The following SPATA17 variants were observed in gnomAD, a reference collection of about 807,000 sequenced individuals.
SPATA17 encodes spermatogenesis-associated protein 17.
A neutral mutation model predicts 62.2 loss-of-function variants in SPATA17; 53 were observed. The observed-to-expected ratio is 0.85, with a 90% CI of 0.68 to 1.07. SPATA17 has a LOEUF of 1.07. Among genes scored for constraint, SPATA17 ranks in the 50% least tolerant of loss-of-function variants. The pLI is 0.00. For synonymous variants in SPATA17, 146 were observed against 146.8 expected (o/e 0.99, Z 0.04); for missense variants, 466 against 425.5 (o/e 1.10, Z -0.84).
At chr1:217,828,140 A>T (rs756739836) in intron 9 of SPATA17, among the ~76,000 whole-genome samples, 1 of 152,168 alleles carries the variant, frequency 6.6e-6, no homozygotes, top group African/African-American at 2.4e-5. Context: ...ATGAATAAAA[A>T]CAATGTTAGA....
At chr1:217,787,522 T>C (rs1214622511) in intron 8 of SPATA17, among the ~76,000 whole-genome samples, 3 of 152,150 alleles carry the variant, frequency 2.0e-5, no homozygotes, top group African/African-American at 4.8e-5. Flanking sequence ...TTCTACTTCC[T>C]TTGATTTATG....
chr1:217,810,397 G>A (rs1360308866), intron 9 of SPATA17, among the ~76,000 whole-genome samples: 13 of 152,064 alleles, frequency 8.5e-5, no homozygotes, highest in Non-Finnish European at 1.5e-4. Flanking sequence ...GCCAAGGCAG[G>A]CGGATCACAG....
chr1:217,701,166 G>C (rs61827799), intron 5 of SPATA17, among the ~76,000 whole-genome samples: 28,432 of 150,828 alleles, frequency 0.19, 2,980 homozygotes, highest in African/African-American at 0.29. Context: ...GTGGAGATGG[G>C]GTTTCACCAT....
intron 9 of SPATA17, among the ~76,000 whole-genome samples, chr1:217,829,331 G>A (rs1342263687): frequency 1.3e-5 from 2 of 151,972 alleles, no homozygotes; most frequent in Non-Finnish European, 2.9e-5. Context: ...GACACAGAAA[G>A]AAAATACTGC....
intron 9 of SPATA17, among the ~76,000 whole-genome samples, chr1:217,842,743 G>A (rs1165735985): frequency 6.6e-6 from 1 of 151,842 alleles, no homozygotes; most frequent in Non-Finnish European, 1.5e-5. Context: ...TTCATGGAAT[G>A]ATCATTTCCT....
At chr1:217,681,062 A>G (rs1460948854) in intron 4 of SPATA17, among the ~76,000 whole-genome samples, 3 of 151,468 alleles carry the variant, frequency 2.0e-5, no homozygotes, top group African/African-American at 7.3e-5. Context: ...CCCCGTTTCT[A>G]CTAAAAATAC....
chr1:217,746,637 G>T (rs1196466763), intron 6 of SPATA17, among the ~76,000 whole-genome samples: 2 of 151,724 alleles, frequency 1.3e-5, no homozygotes, highest in African/African-American at 4.8e-5. Flanking sequence ...AAGTTTTAAA[G>T]TCAGGTTTAA....
chr1:217,830,317 C>T (rs553023640), intron 9 of SPATA17, among the ~76,000 whole-genome samples: 2 of 152,080 alleles, frequency 1.3e-5, no homozygotes, highest in East Asian at 3.9e-4. Context: ...GTATATAGAC[C>T]ATAAAAATGA....
intron 9 of SPATA17, among the ~76,000 whole-genome samples, chr1:217,816,683 A>G (rs1674725025): frequency 6.6e-6 from 1 of 152,044 alleles, no homozygotes; most frequent in Non-Finnish European, 1.5e-5. Context: ...AATGATATTG[A>G]AATATTAAGA....
intron 5 of SPATA17, among the ~76,000 whole-genome samples, chr1:217,696,036 T>G (rs1488806712): frequency 2.0e-5 from 3 of 152,060 alleles, no homozygotes; most frequent in African/African-American, 7.2e-5. Context: ...TCGAGCTTCC[T>G]GGCTGCTTTG....
At chr1:217,686,051 G>A (rs953243352) in intron 5 of SPATA17, among the ~76,000 whole-genome samples, 4 of 152,078 alleles carry the variant, frequency 2.6e-5, no homozygotes, top group African/African-American at 7.2e-5. Flanking sequence ...AATATTATCT[G>A]CAGTTTCAGG....
At chr1:217,849,148 T>A (rs1432418492) in intron 9 of SPATA17, among the ~76,000 whole-genome samples, 2 of 152,218 alleles carry the variant, frequency 1.3e-5, no homozygotes, top group Non-Finnish European at 2.9e-5. Flanking sequence ...TATCTCTCCA[T>A]CTTTTATGTT....
At chr1:217,788,170 G>A (rs1467961486) in intron 8 of SPATA17, among the ~76,000 whole-genome samples, 1 of 152,036 alleles carries the variant, frequency 6.6e-6, no homozygotes, top group Non-Finnish European at 1.5e-5. Context: ...TATGAGAGGT[G>A]TGCTATGATA....
chr1:217,773,679 A>G (rs989109906), intron 6 of SPATA17, among the ~76,000 whole-genome samples: 1 of 152,138 alleles, frequency 6.6e-6, no homozygotes, highest in Non-Finnish European at 1.5e-5. Flanking sequence ...CAAGGATAAT[A>G]CTACAGAAGC....
intron 3 of SPATA17, among the ~76,000 whole-genome samples, chr1:217,654,651 A>G (rs769085922): frequency 6.6e-6 from 1 of 151,736 alleles, no homozygotes; most frequent in Non-Finnish European, 1.5e-5. Flanking sequence ...TATTCATTTG[A>G]CACAAAGTTA....
At chr1:217,750,831 C>T (rs1399809884) in intron 6 of SPATA17, among the ~76,000 whole-genome samples, 2 of 152,078 alleles carry the variant, frequency 1.3e-5, no homozygotes, top group Non-Finnish European at 2.9e-5. Flanking sequence ...CTCTCTTAAC[C>T]GATTAAAGAA....
At chr1:217,756,131 T>C (rs1056417192) in intron 6 of SPATA17, among the ~76,000 whole-genome samples, 2 of 152,016 alleles carry the variant, frequency 1.3e-5, no homozygotes, top group African/African-American at 4.8e-5. Context: ...TAAATGAATG[T>C]TTTATGTACA....
chr1:217,649,910 A>T (rs1670266750), intron 2 of SPATA17, among the ~76,000 whole-genome samples: 1 of 151,498 alleles, frequency 6.6e-6, no homozygotes, highest in Admixed American at 6.6e-5. Flanking sequence ...ATGCAAACTT[A>T]AAGTGTGAAG....
In SPATA17 at chr1:217,868,953, A is replaced by G. The variant is rs1191193349; in HGVS notation, c.*1934A>G. ...TGCCTCGGCCTCCCAAAGTACTGGG[A>G]TTACAGGCATGAGTCACTGAACCCA... On this transcript the variant is annotated 3_prime_UTR_variant, in exon 11 of 11. Transcript: ENST00000366933. The G allele has an allele frequency of 1.3e-5, 2 of 152,458 alleles. No individual in the cohort carries two copies. Among genetic ancestry groups the G allele is most frequent in the African/African-American group, 4.8e-5 (2 of 41,564 alleles). 9.4% of individuals were successfully genotyped at this position (152,458 alleles called of 1,614,324 possible). A position where few individuals can be genotyped will look rare whatever the true frequency, so the allele number is the denominator to read the frequency against.
Sources: gnomAD v4.1 joint callset for allele counts (sites outside exome capture counted in the v4.1 genomes callset) on GRCh38, gnomAD v4.1.1 for gene constraint, MANE v1.5 for transcripts, NCBI Gene and HGNC (gene_info 2026-07-23, HGNC 2026-07-21) for gene names.